The following GRM1 variants were observed in gnomAD, a reference collection of about 807,000 sequenced individuals.
GRM1 encodes the protein glutamate metabotropic receptor 1, also known as metabotropic glutamate receptor 1.
GRM1 carries 33 observed loss-of-function variants against 90.9 expected under a neutral mutation model. That is an observed-to-expected ratio of 0.36 (90% CI 0.28 to 0.49). The LOEUF is 0.49. Among genes scored for constraint, GRM1 ranks in the 20% least tolerant of loss-of-function variants. GRM1 has a pLI of 0.99. For synonymous variants in GRM1, 700 were observed against 613.2 expected (o/e 1.14, Z -2.09); for missense variants, 1,190 against 1,534.3 (o/e 0.78, Z 3.75).
At position 146,029,691 on chromosome 6, in the gene GRM1, G is replaced by A. The variant is rs766972240; in HGVS notation, c.174G>A (p.Pro58=). 9 of 1,614,112 alleles carry A rather than the reference G, an allele frequency of 5.6e-6. No homozygotes were observed. Among genetic ancestry groups the A allele is most frequent in the Admixed American group, 3.3e-5 (2 of 60,022 alleles). The change falls in exon 1 of 8, where the codon CCG becomes CCA. Residue 58 remains proline (P), a synonymous_variant. Coordinates refer to ENST00000282753, the MANE Select transcript of GRM1 (RefSeq NM_001278064.2). ...TCTTCTCAGTCCATCACCAGCCTCC[G>A]GCCGAGAAAGTGCCCGAGAGGAAGT... is the stretch of plus-strand genomic sequence containing the variant. The part of the protein sequence containing the change: ...GALFSVHHQP[P]AEKVPERKCG...
At chr6:146,152,646 A>C (rs1307901370) in intron 1 of GRM1, among the ~76,000 whole-genome samples, 1 of 152,110 alleles carries the variant, frequency 6.6e-6, no homozygotes, top group Non-Finnish European at 1.5e-5. Flanking sequence ...AGTTATTATG[A>C]TGAATAAATG....
At chr6:146,422,693 C>G (rs911276637) in intron 7 of GRM1, among the ~76,000 whole-genome samples, 1 of 152,090 alleles carries the variant, frequency 6.6e-6, no homozygotes, top group African/African-American at 2.4e-5. Flanking sequence ...ATTCTAACTT[C>G]ATTTAAAAAA....
chr6:146,423,438 C>A (rs1451028723), intron 7 of GRM1, among the ~76,000 whole-genome samples: 1 of 150,446 alleles, frequency 6.6e-6, no homozygotes, highest in Non-Finnish European at 1.5e-5. Flanking sequence ...GGAGACCAAA[C>A]AAAAGGGATC....
intron 3 of GRM1, among the ~76,000 whole-genome samples, chr6:146,333,019 A>G (rs1012740014): frequency 1.3e-5 from 2 of 152,184 alleles, no homozygotes; most frequent in African/African-American, 4.8e-5. Context: ...TTTCTAGATT[A>G]TCAAATTAAA....
rs140054968 is a variant in GRM1, at chr6:146,415,203, T to C, written c.2660+15504T>C. 2.2e-3 allele frequency among the ~76,000 whole-genome samples: 332 copies of C among 152,274 alleles called. 2 individuals are homozygous for C. Among genetic ancestry groups the C allele is most frequent in the African/African-American group, 7.7e-3 (322 of 41,568 alleles). ...ACCATGCAGACTGTTGTATTCTTTT[T>C]GTATCTTCACCTGGCAGAGACATTG... On this transcript the variant is annotated intron_variant, in intron 7 of 7. Coordinates refer to ENST00000282753, the MANE Select transcript of GRM1 (RefSeq NM_001278064.2).
At chr6:146,135,991 G>C (rs1776603839) in intron 1 of GRM1, among the ~76,000 whole-genome samples, 1 of 151,884 alleles carries the variant, frequency 6.6e-6, no homozygotes, top group Admixed American at 6.6e-5. Flanking sequence ...GAGTTCAATT[G>C]TTTGAATTTT....
At chr6:146,120,385 A>T (rs1272378071) in intron 1 of GRM1, among the ~76,000 whole-genome samples, 2 of 152,184 alleles carry the variant, frequency 1.3e-5, no homozygotes, top group Non-Finnish European at 2.9e-5. Context: ...ATCTGCAAAC[A>T]GGGACAATTT....
At chr6:146,133,714 A>G (rs970033928) in intron 1 of GRM1, among the ~76,000 whole-genome samples, 2 of 152,180 alleles carry the variant, frequency 1.3e-5, no homozygotes, top group African/African-American at 4.8e-5. Context: ...TGTGGAATTG[A>G]CAAAATCAAC....
intron 3 of GRM1, among the ~76,000 whole-genome samples, chr6:146,318,499 A>T (rs1383351362): frequency 1.3e-5 from 2 of 152,194 alleles, no homozygotes; most frequent in East Asian, 3.8e-4. Context: ...AATCATTTAT[A>T]ATCCTTTGGG....
chr6:146,081,258 T>C (rs1457994924), intron 1 of GRM1, among the ~76,000 whole-genome samples: 1 of 152,200 alleles, frequency 6.6e-6, no homozygotes, highest in African/African-American at 2.4e-5. Flanking sequence ...CAGAACTTTG[T>C]ATTTTCTGTA....
chr6:146,367,161 C>G (rs1254684187), intron 5 of GRM1, among the ~76,000 whole-genome samples: 2 of 152,082 alleles, frequency 1.3e-5, no homozygotes, highest in African/African-American at 2.4e-5. Flanking sequence ...TAGAGACTGT[C>G]CTTCCCCCAG....
At chr6:146,175,937 A>C (rs1778324151) in intron 2 of GRM1, among the ~76,000 whole-genome samples, 1 of 152,100 alleles carries the variant, frequency 6.6e-6, no homozygotes, top group Middle Eastern at 3.4e-3. Context: ...TTTTGGGGAA[A>C]CCTCTAACCC....
chr6:146,219,836 A>G (rs1289191390), intron 2 of GRM1, among the ~76,000 whole-genome samples: 1 of 152,100 alleles, frequency 6.6e-6, no homozygotes, highest in African/African-American at 2.4e-5. Context: ...AACCCTTTCC[A>G]TCTCTCTGGC....
intron 3 of GRM1, among the ~76,000 whole-genome samples, chr6:146,310,450 T>C (rs1783733058): frequency 6.6e-6 from 1 of 152,212 alleles, no homozygotes; most frequent in South Asian, 2.1e-4. Context: ...CAAATGTCAA[T>C]ATGCACTCCT....
At chr6:146,343,022 A>G (rs1350925729) in intron 3 of GRM1, among the ~76,000 whole-genome samples, 2 of 149,032 alleles carry the variant, frequency 1.3e-5, no homozygotes, top group African/African-American at 2.5e-5. Flanking sequence ...ATCACATTTC[A>G]TTTATTTTCC....
In GRM1 at chr6:146,207,920, A is replaced by G. The variant is rs182220678; in HGVS notation, c.950+48323A>G. 2.6e-5 allele frequency among the ~76,000 whole-genome samples: 4 copies of G among 152,302 alleles called. No individual in the cohort carries two copies. In the East Asian group the frequency reaches 7.7e-4, roughly 29 times the overall value. ...CCTAGTACATTCCATTCTTTGATAT[A>G]TAATAGACATGAATTTATAGGCATT... On this transcript the variant is annotated intron_variant, in intron 2 of 7. Transcript: ENST00000282753.
chr6:146,338,011 T>C (rs933417717), intron 3 of GRM1, among the ~76,000 whole-genome samples: 2 of 152,064 alleles, frequency 1.3e-5, no homozygotes, highest in South Asian at 2.1e-4. Flanking sequence ...TGGGGGGAAA[T>C]TTTCCAATAT....
intron 1 of GRM1, among the ~76,000 whole-genome samples, chr6:146,152,025 G>T (rs1339640835): frequency 2.0e-5 from 3 of 152,066 alleles, no homozygotes; most frequent in Non-Finnish European, 4.4e-5. Context: ...TTTGTCAGAC[G>T]CTGCTCTTCC....
At chr6:146,170,287 T>A (rs907062330) in intron 2 of GRM1, among the ~76,000 whole-genome samples, 1 of 152,186 alleles carries the variant, frequency 6.6e-6, no homozygotes, top group Non-Finnish European at 1.5e-5. Flanking sequence ...TTCTTGCATA[T>A]GTAGATAAAA....
Sources: gnomAD v4.1 joint callset for allele counts (sites outside exome capture counted in the v4.1 genomes callset) on GRCh38, gnomAD v4.1.1 for gene constraint, MANE v1.5 for transcripts, NCBI Gene and HGNC (gene_info 2026-07-23, HGNC 2026-07-21) for gene names.